BRINP3: variants seen among roughly 807,000 people sequenced by gnomAD.
The protein encoded by BRINP3 is BMP/retinoic acid inducible neural specific 3.
Under a neutral mutation model 71.0 loss-of-function variants are expected in BRINP3, and 19 were observed. That is an observed-to-expected ratio of 0.27 (90% CI 0.19 to 0.39). BRINP3 has a LOEUF of 0.39. Ranked by LOEUF, BRINP3 falls within the 10% of genes least tolerant of loss-of-function variation. The probability of loss-of-function intolerance (pLI) is 1.00; values close to 1 mark genes in which losing one functional copy is unlikely to be tolerated. For missense variants in BRINP3, 959 were observed against 940.8 expected (o/e 1.02, Z -0.25); for synonymous variants, 380 against 337.7 (o/e 1.13, Z -1.37).
chr1:190,171,060 T>C (rs149695130), intron 6 of BRINP3, among the ~76,000 whole-genome samples: 1,892 of 152,196 alleles, frequency 0.012, 42 homozygotes, highest in African/African-American at 0.044. Flanking sequence ...TGAAACTCAA[T>C]TGAAGCCATG....
At chr1:190,109,532 G>C (rs1652486980) in intron 7 of BRINP3, among the ~76,000 whole-genome samples, 1 of 152,138 alleles carries the variant, frequency 6.6e-6, no homozygotes, top group Non-Finnish European at 1.5e-5. Flanking sequence ...CTGGATTAGG[G>C]GATACGCAGA....
At chr1:190,347,304 C>A (rs911855591) in intron 2 of BRINP3, among the ~76,000 whole-genome samples, 2 of 151,926 alleles carry the variant, frequency 1.3e-5, no homozygotes, top group Non-Finnish European at 2.9e-5. Context: ...CCACGCCCTG[C>A]CAATTTTTTT....
At chr1:190,373,321 C>T (rs530432998) in intron 2 of BRINP3, among the ~76,000 whole-genome samples, 5 of 151,476 alleles carry the variant, frequency 3.3e-5, no homozygotes, top group South Asian at 4.2e-4. Context: ...ACCCAGGAGG[C>T]GAAGGTTGCA....
intron 6 of BRINP3, among the ~76,000 whole-genome samples, chr1:190,167,004 C>G (rs979871162): frequency 3.9e-4 from 60 of 152,180 alleles, no homozygotes; most frequent in African/African-American, 1.4e-3. Context: ...GGATTACATG[C>G]GTGAGACATC....
intron 2 of BRINP3, among the ~76,000 whole-genome samples, chr1:190,304,035 A>G (rs1162502494): frequency 1.2e-4 from 18 of 151,744 alleles, no homozygotes. Context: ...TAAATGTTTA[A>G]TTTTAAAAAA....
intron 2 of BRINP3, among the ~76,000 whole-genome samples, chr1:190,431,570 T>G (rs1419428086): frequency 2.6e-5 from 4 of 152,150 alleles, no homozygotes; most frequent in African/African-American, 4.8e-5. Flanking sequence ...ATGGCCAGGC[T>G]GGTGTCAAAC....
chr1:190,426,675 TTAAA>T (rs764982760), intron 2 of BRINP3, among the ~76,000 whole-genome samples: 8 of 152,024 alleles, frequency 5.3e-5, no homozygotes, highest in African/African-American at 7.2e-5. Flanking sequence ...TTATTACAAT[TTAAA>T]TATTTATACA....
At chr1:190,416,731 T>C (rs1017182866) in intron 2 of BRINP3, among the ~76,000 whole-genome samples, 3 of 152,130 alleles carry the variant, frequency 2.0e-5, no homozygotes, top group African/African-American at 7.2e-5. Context: ...TAAATAATAC[T>C]ATCATAATCT....
At chr1:190,235,018 A>C (rs930027125) in intron 4 of BRINP3, among the ~76,000 whole-genome samples, 4 of 152,030 alleles carry the variant, frequency 2.6e-5, no homozygotes, top group Admixed American at 2.0e-4. Flanking sequence ...GTTCAGTTTG[A>C]CATTCATTCT....
At chr1:190,304,771 T>C (rs1461498278) in intron 2 of BRINP3, among the ~76,000 whole-genome samples, 1 of 151,834 alleles carries the variant, frequency 6.6e-6, no homozygotes, top group Non-Finnish European at 1.5e-5. Context: ...TAAGATTACA[T>C]GAAAGTAAAA....
At chr1:190,431,524 T>G (rs2102509528) in intron 2 of BRINP3, among the ~76,000 whole-genome samples, 1 of 152,144 alleles carries the variant, frequency 6.6e-6, no homozygotes, top group Non-Finnish European at 1.5e-5. Flanking sequence ...GCCCAGATAA[T>G]TTTTGTATTT....
At chr1:190,218,193 C>A (rs557438942) in intron 6 of BRINP3, among the ~76,000 whole-genome samples, 9 of 151,852 alleles carry the variant, frequency 5.9e-5, no homozygotes, top group African/African-American at 1.9e-4. Flanking sequence ...AGACTCTCAT[C>A]CATCACATCA....
intron 2 of BRINP3, among the ~76,000 whole-genome samples, chr1:190,288,792 A>G (rs1372574130): frequency 6.6e-6 from 1 of 151,952 alleles, no homozygotes; most frequent in African/African-American, 2.4e-5. Context: ...TAATAAGTAA[A>G]AATTTACAAA....
intron 2 of BRINP3, among the ~76,000 whole-genome samples, chr1:190,289,639 T>A (rs1663704462): frequency 2.0e-5 from 3 of 152,048 alleles, no homozygotes; most frequent in African/African-American, 7.2e-5. Flanking sequence ...TGGATACCAC[T>A]GTCTTGTATG....
chr1:190,149,946 T>C (rs1295266679), intron 7 of BRINP3, among the ~76,000 whole-genome samples: 1 of 152,106 alleles, frequency 6.6e-6, no homozygotes, highest in Non-Finnish European at 1.5e-5. Flanking sequence ...CTGAAGTGCA[T>C]TTAGATTGTG....
intron 3 of BRINP3, among the ~76,000 whole-genome samples, chr1:190,277,628 C>T (rs1382887858): frequency 6.6e-6 from 1 of 151,490 alleles, no homozygotes; most frequent in African/African-American, 2.4e-5. Flanking sequence ...ATTTTAAAGT[C>T]ATTATTTTTT....
At chr1:190,403,933 A>C (rs1009915964) in intron 2 of BRINP3, among the ~76,000 whole-genome samples, 1 of 152,198 alleles carries the variant, frequency 6.6e-6, no homozygotes, top group Non-Finnish European at 1.5e-5. Context: ...TATTTTAAGG[A>C]GAGTTTCTTA....
chr1:190,321,089 A>G (rs745978413), intron 2 of BRINP3, among the ~76,000 whole-genome samples: 1 of 152,024 alleles, frequency 6.6e-6, no homozygotes, highest in Non-Finnish European at 1.5e-5. Context: ...ATGATCTTAC[A>G]TTTTTTATGC....
intron 3 of BRINP3, among the ~76,000 whole-genome samples, chr1:190,276,262 T>G (rs1349880150): frequency 6.6e-6 from 1 of 151,660 alleles, no homozygotes; most frequent in African/African-American, 2.4e-5. Context: ...TATTATGTTA[T>G]AAACTAAAAT....
Sources: allele counts gnomAD v4.1 joint callset (sites outside exome capture counted in the v4.1 genomes callset), GRCh38; gene constraint gnomAD v4.1.1; transcripts MANE v1.5; gene names NCBI Gene and HGNC (gene_info 2026-07-23, HGNC 2026-07-21).